Variants in MFN1 observed in about 807,000 individuals in gnomAD.
The protein encoded by MFN1 is mitofusin 1.
Under a neutral mutation model 92.4 loss-of-function variants are expected in MFN1, and 65 were observed. That is an observed-to-expected ratio of 0.70 (90% CI 0.58 to 0.86). The LOEUF (loss-of-function observed/expected upper bound fraction) is 0.86, where lower values mean the gene tolerates loss of function less well. Among genes scored for constraint, MFN1 ranks in the 40% least tolerant of loss-of-function variants. The probability of loss-of-function intolerance (pLI) is 0.00; values close to 1 mark genes in which losing one functional copy is unlikely to be tolerated. For synonymous variants in MFN1, 297 were observed against 300.9 expected, an observed-to-expected ratio of 0.99 and a Z score of 0.13; for missense variants, 781 against 868.0, an observed-to-expected ratio of 0.90 and a Z score of 1.26.
chr3:179,371,074 T>C (rs1713005994), intron 9 of MFN1, among the ~76,000 whole-genome samples: 1 of 152,226 alleles, frequency 6.6e-6, no homozygotes, highest in Non-Finnish European at 1.5e-5. Flanking sequence ...CTGTATCAAG[T>C]TCATCACCTT....
chr3:179,375,354 T>G lies in MFN1; in HGVS notation c.1097+13T>G. On this transcript the variant is annotated intron_variant, in intron 10 of 17. Transcript: ENST00000471841. Reference sequence around the variant, plus strand: ...CTGAAGATAAAAGGTATGAGTTCATTTTGTTGCAACATAAAAATGTTAGTT... The same window carrying G: ...CTGAAGATAAAAGGTATGAGTTCATGTTGTTGCAACATAAAAATGTTAGTT... 6.2e-7 allele frequency: 1 copy of G among 1,609,138 alleles called. No homozygotes were observed. The highest frequency in any genetic ancestry group is 8.5e-7 in the Non-Finnish European group (1 of 1,178,626).
At chr3:179,382,604 G>A (rs1468585549) in intron 14 of MFN1, among the ~76,000 whole-genome samples, 4 of 152,156 alleles carry the variant, frequency 2.6e-5, no homozygotes, top group Non-Finnish European at 5.9e-5. Context: ...GGATGGCTGG[G>A]TCAGATAGTA....
chr3:179,367,725 C>T (rs1712853699), intron 8 of MFN1, 133 bp downstream of exon 8: 2 of 673,658 alleles, frequency 3.0e-6, no homozygotes, highest in Non-Finnish European at 4.5e-6. Flanking sequence ...GAGTTTGAGA[C>T]CAGCCTGGCC....
intron 4 of MFN1, among the ~76,000 whole-genome samples, chr3:179,360,699 G>C (rs1712542030): frequency 6.6e-6 from 1 of 152,124 alleles, no homozygotes; most frequent in Admixed American, 6.5e-5. Context: ...TTCAGTGCTT[G>C]ATGATCCATG....
chr3:179,358,778 A>G (rs1712445145), intron 3 of MFN1, 62 bp from the exon 4 acceptor site: 7 of 1,520,962 alleles, frequency 4.6e-6, no homozygotes, highest in Middle Eastern at 2.4e-4. Context: ...TATTAGACCC[A>G]GTGAAAGAAC....
At chr3:179,388,458 T>G (rs2108560597) in intron 16 of MFN1, among the ~76,000 whole-genome samples, 1 of 152,328 alleles carries the variant, frequency 6.6e-6, no homozygotes, top group Non-Finnish European at 1.5e-5. Context: ...TAAATATTTG[T>G]TTCATTCATG....
chr3:179,352,126 C>G, intron 3 of MFN1, 91 bp downstream of exon 3: 4 of 1,343,884 alleles, frequency 3.0e-6, no homozygotes, highest in Admixed American at 2.1e-5. Context: ...CATCCTCCCC[C>G]AGCCCCGCAA....
intron 3 of MFN1, among the ~76,000 whole-genome samples, chr3:179,354,946 A>G (rs916388745): frequency 1.3e-5 from 2 of 151,978 alleles, no homozygotes; most frequent in Non-Finnish European, 2.9e-5. Flanking sequence ...ACAGGAGTGC[A>G]CCACCACACC....
chr3:179,363,637 G>C (rs1192614909), intron 5 of MFN1, among the ~76,000 whole-genome samples: 2 of 151,770 alleles, frequency 1.3e-5, no homozygotes, highest in Admixed American at 6.6e-5. Context: ...GGCTACAGGG[G>C]CATGCCACCA....
rs746768416 is a variant in MFN1, at chr3:179,365,148, C to G, written c.676C>G (p.Arg226Gly). Residue 226 changes from arginine (R) to glycine (G), a missense_variant, in exon 7 of 18, where the codon CGG becomes GGG. Transcript: ENST00000471841. ...EKHFFHKVNE[R>G]LSKPNIFILN... ...ACACTTTTTTCACAAGGTGAATGAG[C>G]GGCTTTCCAAGCCTAATATTTTCAT... 3.2e-6 allele frequency: 5 copies of G among 1,547,018 alleles called. No homozygotes were observed. The African/African-American group carries it at 7.1e-5, about 22-fold the overall frequency.
chr3:179,378,296 ACTTT>A (rs2108549175), intron 12 of MFN1, 41 bp from the exon 13 acceptor site: 1 of 1,378,748 alleles, frequency 7.3e-7, no homozygotes, highest in South Asian at 1.3e-5. Flanking sequence ...AAAACTACAT[ACTTT>A]CTGGAGAAAA....
rs752069349 is a variant in MFN1 at position 179,390,036 on chromosome 3, A to C, written c.2045A>C (p.Gln682Pro). The change falls in exon 17 of 18, where the codon CAA (glutamine) becomes CCA (proline). Residue 682 changes from glutamine to proline, a missense_variant. By Grantham distance (76) the Gln-to-Pro change is moderately conservative (BLOSUM62 -1). Coordinates refer to ENST00000471841, the MANE Select transcript of MFN1 (RefSeq NM_033540.3). ...QIATTFARLC[Q>P]QVDITQKQLE... is the part of the protein sequence containing the mutation. ...GCTACCACTTTTGCTCGCCTGTGCC[A>C]ACAAGTTGATATTACTCAAAAACAG... 1 of 1,605,580 alleles carries C rather than the reference A, an allele frequency of 6.2e-7. No individual in the cohort carries two copies. The highest frequency in any genetic ancestry group is 1.7e-5 in the Admixed American group (1 of 58,782).
chr3:179,386,472 T>C lies in MFN1; in HGVS notation c.1855T>C (p.Leu619=). The change falls in exon 16 of 18, where the codon TTA becomes CTA. Residue 619 remains leucine (L), a synonymous_variant. Coordinates refer to ENST00000471841, the MANE Select transcript of MFN1 (RefSeq NM_033540.3). ...TIGWKLLSVS[L]TMYGALYLYE... is the part of the protein sequence containing the mutation. ...AGGCTGGAAACTCCTATCTGTTTCA[T>C]TAACTATGTATGGAGCTTTGTATCT... 6.2e-7 allele frequency: 1 copy of C among 1,613,614 alleles called. No homozygotes were observed. Among genetic ancestry groups the C allele is most frequent in the Non-Finnish European group, 8.5e-7 (1 of 1,179,790 alleles).
intron 10 of MFN1, 84 bp downstream of exon 10, chr3:179,375,425 A>G: frequency 1.3e-6 from 2 of 1,522,218 alleles, no homozygotes; most frequent in East Asian, 2.3e-5. Context: ...TTGTTGTACT[A>G]TAAATACTTT....
chr3:179,383,862 A>G (rs958798264), intron 14 of MFN1, among the ~76,000 whole-genome samples: 1 of 152,210 alleles, frequency 6.6e-6, no homozygotes, highest in Non-Finnish European at 1.5e-5. Context: ...TAAAAGAAAA[A>G]CTTTAAAAAA....
chr3:179,366,332 G>A (rs1712792388), intron 7 of MFN1, among the ~76,000 whole-genome samples: 2 of 151,396 alleles, frequency 1.3e-5, no homozygotes, highest in African/African-American at 2.4e-5. Context: ...AGTGCTTGGT[G>A]TCGATTTATA....
chr3:179,387,471 G>A (rs951938629), intron 16 of MFN1, among the ~76,000 whole-genome samples: 3 of 151,934 alleles, frequency 2.0e-5, no homozygotes, highest in Non-Finnish European at 4.4e-5. Flanking sequence ...GCTTGACCCT[G>A]GAAGGCAGAG....
At chr3:179,375,081 T>G in intron 9 of MFN1, 139 bp from the exon 10 acceptor site, 1 of 952,068 alleles carries the variant, frequency 1.1e-6, no homozygotes, top group Non-Finnish European at 1.5e-6. Context: ...TAATTTTAAG[T>G]TGTGCTTTTA....
At chr3:179,379,569 G>A (rs1353351415) in intron 14 of MFN1, among the ~76,000 whole-genome samples, 2 of 152,086 alleles carry the variant, frequency 1.3e-5, no homozygotes, top group Non-Finnish European at 2.9e-5. Context: ...GGCCAGACTG[G>A]TCTCGAACTC....
Sources: allele counts gnomAD v4.1 joint callset (sites outside exome capture counted in the v4.1 genomes callset), GRCh38; gene constraint gnomAD v4.1.1; transcripts MANE v1.5; gene names NCBI Gene and HGNC (gene_info 2026-07-23, HGNC 2026-07-21).